The following CBLN3 variants were observed in gnomAD, a reference collection of about 807,000 sequenced individuals.
CBLN3 encodes the protein cerebellin-3.
In CBLN3, 14 loss-of-function variants were observed where a neutral mutation model predicts 17.4. The ratio of observed to expected loss-of-function variants is 0.81; its 90% CI spans 0.53 to 1.26. The LOEUF is 1.26. CBLN3 is among the 50% of genes most tolerant of loss of function. The probability of loss-of-function intolerance (pLI) is 0.00; values close to 1 mark genes in which losing one functional copy is unlikely to be tolerated. For synonymous variants in CBLN3, 129 were observed against 117.4 expected, an observed-to-expected ratio of 1.10 and a Z score of -0.64; for missense variants, 263 against 268.5, an observed-to-expected ratio of 0.98 and a Z score of 0.14.
chr14:24,428,978 G>A lies in CBLN3; in HGVS notation c.77C>T (p.Ala26Val), dbSNP rs2043056100. 6.4e-7 allele frequency: 1 copy of A among 1,550,786 alleles called. No individual in the cohort carries two copies. The highest frequency in any genetic ancestry group is 2.4e-5 in the East Asian group (1 of 40,922). ...CTCCTGGGCCCACCCGGCCCCCAGG[G>A]CCAGAAGCACCAGAACCAAGGGCAG... ...PGLPLVLVLL[A>V]LGAGWAQEGS... Residue 26 changes from alanine to valine, a missense_variant, in exon 1 of 3, where the codon GCC becomes GTC. Coordinates refer to ENST00000267406, the MANE Select transcript of CBLN3 (RefSeq NM_001039771.3).
At position 24,427,534 on chromosome 14, in the gene CBLN3, C is replaced by T; in HGVS notation, c.*255G>A. The T allele has an allele frequency of 2.1e-6, 1 of 474,270 alleles. No individual in the cohort carries two copies. The allele number at this position is 474,270 out of a possible 1,614,324, so 29.4% of individuals were successfully genotyped here. ...CTTCTTGCCAAACCTTGCCCTGATC[C>T]TAGGGCTGCAGGCAGGAACAGATGC... On this transcript the variant is annotated 3_prime_UTR_variant, in exon 3 of 3. Transcript: ENST00000267406. The surrounding 1 kb of genome is among the most constrained non-coding windows in gnomAD (Gnocchi z 4.4).
intron 1 of CBLN3, 73 bp downstream of exon 1, chr14:24,428,682 G>A: frequency 1.4e-6 from 2 of 1,475,276 alleles, no homozygotes; most frequent in South Asian, 1.3e-5. Context: ...AGACAGCAAA[G>A]TGGGCTTGGA....
In CBLN3 at chr14:24,427,425, G is replaced by A. The variant is rs981099521; in HGVS notation, c.*364C>T. On this transcript the variant is annotated 3_prime_UTR_variant, in exon 3 of 3. Coordinates refer to ENST00000267406, the MANE Select transcript of CBLN3 (RefSeq NM_001039771.3). This position sits in a 1 kb window ranked among gnomAD's most constrained non-coding sequence, Gnocchi z 4.4. ...GTGGGGGCCTGTCAGGCTCACCTGC[G>A]CCACCTGTCCCTGATCAGCATTGAG... 3.0e-5 allele frequency: 7 copies of A among 232,124 alleles called. No homozygotes were observed. Among genetic ancestry groups the A allele is most frequent in the Non-Finnish European group, 5.1e-5 (6 of 116,802 alleles). 14.4% of individuals were successfully genotyped at this position (232,124 alleles called of 1,614,324 possible).
intron 1 of CBLN3, 101 bp downstream of exon 1, chr14:24,428,654 G>A (rs1379230193): frequency 1.5e-6 from 2 of 1,372,020 alleles, no homozygotes; most frequent in African/African-American, 2.9e-5. Flanking sequence ...GTAGGAAGCT[G>A]TTTTCTTAAA....
chr14:24,429,516 TCAA>T lies in CBLN3; in HGVS notation c.-465_-463del. ...TCCTCTCTTCAAAATCCCCCACAAA[TCAA>T]CAGCCCTTCTTCGTGGCATCTTTCC... On this transcript the variant is annotated 5_prime_UTR_variant, in exon 1 of 3. Coordinates refer to ENST00000267406, the MANE Select transcript of CBLN3 (RefSeq NM_001039771.3). The T allele has an allele frequency of 2.2e-6, 1 of 456,664 alleles. No homozygotes were observed. Among genetic ancestry groups the T allele is most frequent in the South Asian group, 1.6e-5 (1 of 61,260 alleles). 28.3% of individuals were successfully genotyped at this position (456,664 alleles called of 1,614,324 possible).
At position 24,428,886 on chromosome 14, in the gene CBLN3, C is replaced by A; in HGVS notation, c.169G>T (p.Gly57Trp). The change falls in exon 1 of 3, where the codon GGG becomes TGG. Residue 57 changes from glycine to tryptophan, a missense_variant. Gly to Trp is a radical substitution (Grantham distance 184, BLOSUM62 -2). Transcript: ENST00000267406. ...VVCEPGRAAA[G>W]GPGGAALGEA... ...CCCAGGGCTGCTCCCCCGGGCCCCC[C>A]TGCAGCAGCTCGGCCAGGCTCACAG... 1 of 1,596,464 alleles carries A rather than the reference C, an allele frequency of 6.3e-7. No homozygotes were observed. Among genetic ancestry groups the A allele is most frequent in the Non-Finnish European group, 8.5e-7 (1 of 1,171,680 alleles).
chr14:24,428,706 G>A (rs1400700839), intron 1 of CBLN3, 49 bp downstream of exon 1: 81 of 1,520,286 alleles, frequency 5.3e-5, no homozygotes, highest in Non-Finnish European at 6.7e-5. Context: ...TTGCTTCCAG[G>A]TCCTTGCAGG....
In CBLN3 at chr14:24,428,377, T is replaced by C; in HGVS notation, c.329A>G (p.Asp110Gly). 1 of 1,613,482 alleles carries C rather than the reference T, an allele frequency of 6.2e-7. No homozygotes were observed. The highest frequency in any genetic ancestry group is 8.5e-7 in the Non-Finnish European group (1 of 1,179,856). ...GGCTACGAAGGAGCCAGAGGCCCGG[T>C]CAAAGCCACCGCCCTCGTTCACCAG... ...QVLVNEGGGF[D>G]RASGSFVAPV... The change falls in exon 2 of 3, where the codon GAC (aspartate) becomes GGC (glycine). Residue 110 changes from aspartate (D) to glycine (G), a missense_variant. By Grantham distance (94) the Asp-to-Gly change is moderately conservative. Transcript: ENST00000267406.
Position 24,428,968 on chromosome 14 carries a change from G to A in CBLN3, c.87C>T (p.Ala29=), listed in dbSNP as rs994941384. Residue 29 remains alanine, a synonymous_variant, in exon 1 of 3, where the codon GCC becomes GCT. Coordinates refer to ENST00000267406, the MANE Select transcript of CBLN3 (RefSeq NM_001039771.3). Reference sequence around the variant, plus strand: ...GCTCTGACCCCTCCTGGGCCCACCCGGCCCCCAGGGCCAGAAGCACCAGAA... The same window carrying A: ...GCTCTGACCCCTCCTGGGCCCACCCAGCCCCCAGGGCCAGAAGCACCAGAA... ...PLVLVLLALG[A]GWAQEGSEPV... is the part of the protein sequence containing the mutation. 1.2e-5 allele frequency: 18 copies of A among 1,550,960 alleles called. 1 individual carries two copies. Among genetic ancestry groups the A allele is most frequent in the South Asian group, 1.1e-4 (9 of 84,156 alleles).
In CBLN3 at chr14:24,428,284, A is replaced by C; in HGVS notation, c.420+2T>G. On this transcript the variant is annotated splice_donor_variant, in intron 2 of 2. Coordinates refer to ENST00000267406, the MANE Select transcript of CBLN3 (RefSeq NM_001039771.3). LOFTEE classifies it high-confidence loss of function. Reference sequence around the variant, plus strand: ...GGGGATGGGGGCCAGTGCTGAGGTCACCTGGACAGTTTGGCGGTTGTACAC... The same window carrying C: ...GGGGATGGGGGCCAGTGCTGAGGTCCCCTGGACAGTTTGGCGGTTGTACAC... The C allele has an allele frequency of 6.2e-7, 1 of 1,613,602 alleles. No individual in the cohort carries two copies. Among genetic ancestry groups the C allele is most frequent in the Non-Finnish European group, 8.5e-7 (1 of 1,179,878 alleles).
At position 24,427,603 on chromosome 14, in the gene CBLN3, G is replaced by A; in HGVS notation, c.*186C>T. 1.6e-6 allele frequency: 1 copy of A among 626,338 alleles called. No individual in the cohort carries two copies. 38.8% of individuals were successfully genotyped at this position (626,338 alleles called of 1,614,324 possible). A position where few individuals can be genotyped will look rare whatever the true frequency, so the allele number is the denominator to read the frequency against. On this transcript the variant is annotated 3_prime_UTR_variant, in exon 3 of 3. Transcript: ENST00000267406. The surrounding 1 kb of genome is among the most constrained non-coding windows in gnomAD (Gnocchi z 4.4). Reference sequence around the variant, plus strand: ...TAACTGGGGGTGGGTGGGTGGAAAGGCCTGGTCTGGAGATGCCACAGCTCT... The same window carrying A: ...TAACTGGGGGTGGGTGGGTGGAAAGACCTGGTCTGGAGATGCCACAGCTCT...
chr14:24,427,881 C>T lies in CBLN3; in HGVS notation c.526G>A (p.Gly176Arg), dbSNP rs1332953973. 2 of 1,613,984 alleles carry T rather than the reference C, an allele frequency of 1.2e-6. No homozygotes were observed. The highest frequency in any genetic ancestry group is 1.7e-6 in the Non-Finnish European group (2 of 1,180,000). ...TSSVLLPLDP[G>R]DRVSLRLRRG... ...CGCAGGCGCAGAGACACTCGGTCCC[C>T]AGGGTCCAAGGGCAGTAGCACAGAG... is the stretch of plus-strand genomic sequence containing the variant. Residue 176 changes from glycine to arginine, a missense_variant, in exon 3 of 3, where the codon GGG (glycine) becomes AGG (arginine). Gly to Arg is a moderately radical substitution (Grantham distance 125, BLOSUM62 -2). Transcript: ENST00000267406. The surrounding 1 kb of genome is among the most constrained non-coding windows in gnomAD (Gnocchi z 4.4).
Position 24,428,644 on chromosome 14 carries a change from G to A in CBLN3, c.300+111C>T. On this transcript the variant is annotated intron_variant, in intron 1 of 2. Coordinates refer to ENST00000267406, the MANE Select transcript of CBLN3 (RefSeq NM_001039771.3). ...GCAATAGGCCAGATTAGTGAAAGAT[G>A]TAGGAAGCTGTTTTCTTAAAGCCTC... is the stretch of plus-strand genomic sequence containing the variant. 6 of 1,293,442 alleles carry A rather than the reference G, an allele frequency of 4.6e-6. No individual in the cohort carries two copies. In the South Asian group the frequency reaches 7.1e-5, roughly 15 times the overall value. The allele number at this position is 1,293,442 out of a possible 1,614,324, so 80.1% of individuals were successfully genotyped here. A position where few individuals can be genotyped will look rare whatever the true frequency, so the allele number is the denominator to read the frequency against.
chr14:24,428,038 C>T (rs774014147), intron 2 of CBLN3, 52 bp from the exon 3 acceptor site: 2 of 1,546,380 alleles, frequency 1.3e-6, no homozygotes, highest in Non-Finnish European at 1.8e-6. Flanking sequence ...AGCTCAGGAC[C>T]CCCCACTTTC....
Position 24,429,239 on chromosome 14 carries a change from A to C in CBLN3, c.-185T>G. 1 of 702,394 alleles carries C rather than the reference A, an allele frequency of 1.4e-6. No homozygotes were observed. Among genetic ancestry groups the C allele is most frequent in the South Asian group, 1.6e-5 (1 of 60,764 alleles). 43.5% of individuals were successfully genotyped at this position (702,394 alleles called of 1,614,324 possible). ...CCACTCTTACTCCTGCTGTCACTGC[A>C]GTTCCCTCCTCCTTGGCAGAGCATG... On this transcript the variant is annotated 5_prime_UTR_variant, in exon 1 of 3. Coordinates refer to ENST00000267406, the MANE Select transcript of CBLN3 (RefSeq NM_001039771.3).
At position 24,429,361 on chromosome 14, in the gene CBLN3, T is replaced by G. The variant is rs1243420746; in HGVS notation, c.-307A>C. On this transcript the variant is annotated 5_prime_UTR_variant, in exon 1 of 3. Coordinates refer to ENST00000267406, the MANE Select transcript of CBLN3 (RefSeq NM_001039771.3). The stretch of plus-strand genomic sequence containing the variant: ...AGCCAGAGCTTCAGGGCAGCCCTGC[T>G]GGATGGGACAGCACTGAGGGCTGGA... The G allele has an allele frequency of 4.8e-6, 3 of 627,540 alleles. No homozygotes were observed. Among genetic ancestry groups the G allele is most frequent in the South Asian group, 4.6e-5 (3 of 65,896 alleles). 38.9% of individuals were successfully genotyped at this position (627,540 alleles called of 1,614,324 possible).
Position 24,429,579 on chromosome 14 carries a change from A to G in CBLN3, c.-525T>C. The G allele has an allele frequency of 3.3e-6, 2 of 604,514 alleles. No homozygotes were observed. Among genetic ancestry groups the G allele is most frequent in the Non-Finnish European group, 4.9e-6 (2 of 408,406 alleles). The allele number at this position is 604,514 out of a possible 1,614,324, so 37.4% of individuals were successfully genotyped here. ...AAGAAAGGGGTACTCCACCACGGGT[A>G]CCCTCCGCCTCCCGCCTCCCGCCTA... is the stretch of plus-strand genomic sequence containing the variant. On this transcript the variant is annotated 5_prime_UTR_variant, in exon 1 of 3. Coordinates refer to ENST00000267406, the MANE Select transcript of CBLN3 (RefSeq NM_001039771.3).
intron 2 of CBLN3, 30 bp from the exon 3 acceptor site, chr14:24,428,016 T>TCCCC: frequency 3.1e-6 from 5 of 1,600,790 alleles, no homozygotes; most frequent in Non-Finnish European, 4.3e-6. Flanking sequence ...TAGCCCCCAT[T>TCCCC]CCCCAGCCCT....
Position 24,426,764 on chromosome 14 carries a change from G to A in CBLN3, c.*1025C>T, listed in dbSNP as rs1484121315. ...AGGGTTTAGCATACTGGCAGGAGAG[G>A]GTCTGAAGGAATGAATCATGGAATC... On this transcript the variant is annotated 3_prime_UTR_variant, in exon 3 of 3. Coordinates refer to ENST00000267406, the MANE Select transcript of CBLN3 (RefSeq NM_001039771.3). 1 of 152,218 alleles carries A rather than the reference G, an allele frequency of 6.6e-6. No individual in the cohort carries two copies. The highest frequency in any genetic ancestry group is 1.5e-5 in the Non-Finnish European group (1 of 68,102). 9.4% of individuals were successfully genotyped at this position (152,218 alleles called of 1,614,324 possible).
Sources: gnomAD v4.1 joint callset for allele counts on GRCh38, gnomAD v4.1.1 for gene constraint, Gnocchi (gnomAD v3.1) non-coding constraint, MANE v1.5 for transcripts, NCBI Gene and HGNC (gene_info 2026-07-23, HGNC 2026-07-21) for gene names.